ADAM18: variants seen among roughly 807,000 people sequenced by gnomAD.
ADAM18 encodes ADAM metallopeptidase domain 18.
ADAM18 carries 117 observed loss-of-function variants against 94.4 expected under a neutral mutation model. The ratio of observed to expected loss-of-function variants is 1.24; its 90% CI spans 1.07 to 1.45. ADAM18 has a LOEUF of 1.45. Among genes scored for constraint, ADAM18 ranks in the 40% most tolerant of loss-of-function variants. The pLI, the probability that ADAM18 is intolerant of heterozygous loss-of-function variation, is 0.00. For missense variants in ADAM18, 936 were observed against 880.0 expected, an observed-to-expected ratio of 1.06 and a Z score of -0.81; for synonymous variants, 327 against 291.6, an observed-to-expected ratio of 1.12 and a Z score of -1.24.
chr8:39,622,874 A>G (rs568942128), intron 6 of ADAM18, among the ~76,000 whole-genome samples: 2 of 152,050 alleles, frequency 1.3e-5, no homozygotes, highest in Non-Finnish European at 2.9e-5. Context: ...GTATATATTT[A>G]TATATATATT....
intron 19 of ADAM18, among the ~76,000 whole-genome samples, chr8:39,726,767 G>A (rs1242264064): frequency 1.3e-5 from 2 of 152,090 alleles, no homozygotes; most frequent in Non-Finnish European, 2.9e-5. Context: ...TGGCACCTTA[G>A]GGTGAATGGC....
chr8:39,607,088 A>T, intron 3 of ADAM18, among the ~76,000 whole-genome samples: 1 of 152,242 alleles, frequency 6.6e-6, no homozygotes, highest in East Asian at 1.9e-4. Flanking sequence ...TATGCTGATT[A>T]CAAGTGTGTC....
intron 16 of ADAM18, among the ~76,000 whole-genome samples, chr8:39,686,877 C>T (rs888862529): frequency 6.6e-6 from 1 of 152,134 alleles, no homozygotes; most frequent in Non-Finnish European, 1.5e-5. Context: ...AGGTATGTTT[C>T]CATTACTTTG....
At chr8:39,625,654 A>G (rs1819746956) in intron 6 of ADAM18, among the ~76,000 whole-genome samples, 1 of 152,010 alleles carries the variant, frequency 6.6e-6, no homozygotes. Flanking sequence ...CCCATTCAGT[A>G]TGATGCTCTC....
intron 6 of ADAM18, among the ~76,000 whole-genome samples, chr8:39,612,636 T>G (rs1819312486): frequency 1.3e-5 from 2 of 152,088 alleles, no homozygotes; most frequent in Non-Finnish European, 2.9e-5. Flanking sequence ...TGTTGATTGT[T>G]GGACCTGGAC....
chr8:39,721,410 G>T, intron 18 of ADAM18, among the ~76,000 whole-genome samples: 1 of 151,450 alleles, frequency 6.6e-6, no homozygotes, highest in East Asian at 1.9e-4. Flanking sequence ...ATGGACAAAT[G>T]GGGCTTCTTA....
At chr8:39,613,082 C>T (rs1488607729) in intron 6 of ADAM18, among the ~76,000 whole-genome samples, 1 of 152,162 alleles carries the variant, frequency 6.6e-6, no homozygotes, top group Non-Finnish European at 1.5e-5. Context: ...TGCATGCATG[C>T]ATCGAACCCA....
intron 6 of ADAM18, among the ~76,000 whole-genome samples, chr8:39,627,668 T>C (rs1346908017): frequency 1.3e-5 from 2 of 152,118 alleles, no homozygotes; most frequent in Non-Finnish European, 2.9e-5. Flanking sequence ...TTTTATCCAT[T>C]CTGCAAATCT....
intron 6 of ADAM18, among the ~76,000 whole-genome samples, chr8:39,624,341 A>G (rs565436026): frequency 6.6e-6 from 1 of 152,302 alleles, no homozygotes; most frequent in East Asian, 1.9e-4. Context: ...TGAGAGAGAT[A>G]GGGATGCAGT....
intron 10 of ADAM18, among the ~76,000 whole-genome samples, chr8:39,642,773 T>C (rs556034595): frequency 6.6e-6 from 1 of 152,218 alleles, no homozygotes; most frequent in Non-Finnish European, 1.5e-5. Context: ...TCAGTCTCTT[T>C]TGTGGTTCCA....
At chr8:39,640,155 A>C (rs767857662) in intron 10 of ADAM18, among the ~76,000 whole-genome samples, 1 of 151,888 alleles carries the variant, frequency 6.6e-6, no homozygotes, top group African/African-American at 2.4e-5. Context: ...TCCTTTAGCT[A>C]TTCTTCCTGA....
At chr8:39,686,838 A>C (rs1288870895) in intron 16 of ADAM18, among the ~76,000 whole-genome samples, 1 of 152,238 alleles carries the variant, frequency 6.6e-6, no homozygotes, top group African/African-American at 2.4e-5. Context: ...TAGTTATTGC[A>C]CATCACTTGC....
chr8:39,698,372 C>A (rs1821981645), intron 17 of ADAM18, among the ~76,000 whole-genome samples: 1 of 151,766 alleles, frequency 6.6e-6, no homozygotes, highest in Admixed American at 6.6e-5. Context: ...TTGGCATATT[C>A]TTTTTATATC....
At chr8:39,684,263 T>C (rs1821548666) in intron 16 of ADAM18, among the ~76,000 whole-genome samples, 1 of 152,080 alleles carries the variant, frequency 6.6e-6, no homozygotes, top group Non-Finnish European at 1.5e-5. Flanking sequence ...ACTTCCAAAA[T>C]TTTTTCCCAA....
At chr8:39,614,541 A>G (rs1466404556) in intron 6 of ADAM18, among the ~76,000 whole-genome samples, 1 of 152,210 alleles carries the variant, frequency 6.6e-6, no homozygotes, top group African/African-American at 2.4e-5. Context: ...AGTTGACACT[A>G]TAGAGAAACT....
At chr8:39,644,120 C>T (rs549536589) in intron 10 of ADAM18, among the ~76,000 whole-genome samples, 2 of 152,066 alleles carry the variant, frequency 1.3e-5, no homozygotes, top group South Asian at 4.1e-4. Context: ...TCTAGTTATA[C>T]ATTTAAATGA....
chr8:39,693,777 C>T (rs1308216228), intron 17 of ADAM18, among the ~76,000 whole-genome samples: 1 of 150,874 alleles, frequency 6.6e-6, no homozygotes, highest in Non-Finnish European at 1.5e-5. Flanking sequence ...TATATTTCTA[C>T]ATATGTTATA....
intron 2 of ADAM18, among the ~76,000 whole-genome samples, chr8:39,586,585 G>A (rs1335925475): frequency 6.6e-6 from 1 of 152,072 alleles, no homozygotes. Context: ...AACTTAACTG[G>A]GTGTGGTGGT....
At chr8:39,616,466 A>G (rs1819441979) in intron 6 of ADAM18, among the ~76,000 whole-genome samples, 1 of 152,200 alleles carries the variant, frequency 6.6e-6, no homozygotes, top group Non-Finnish European at 1.5e-5. Flanking sequence ...TACAGATTCA[A>G]TGCTATTCCT....
Sources: allele counts gnomAD v4.1 joint callset (sites outside exome capture counted in the v4.1 genomes callset), GRCh38; gene constraint gnomAD v4.1.1; transcripts MANE v1.5; gene names NCBI Gene and HGNC (gene_info 2026-07-23, HGNC 2026-07-21).